KIF5A: variants seen among roughly 807,000 people sequenced by gnomAD.
KIF5A encodes kinesin heavy chain isoform 5A.
KIF5A carries 35 observed loss-of-function variants against 141.3 expected under a neutral mutation model. That is an observed-to-expected ratio of 0.25 (90% CI 0.19 to 0.33). The LOEUF is 0.33. Ranked by LOEUF, KIF5A falls within the 10% of genes least tolerant of loss-of-function variation. The pLI is 1.00. For synonymous variants in KIF5A, 448 were observed against 500.2 expected, an observed-to-expected ratio of 0.90 and a Z score of 1.39; for missense variants, 861 against 1,314.3, an observed-to-expected ratio of 0.66 and a Z score of 5.33.
chr12:57,582,073 T>TA, intron 26 of KIF5A, 121 bp downstream of exon 26: 1 of 817,976 alleles, frequency 1.2e-6, no homozygotes, highest in Admixed American at 2.1e-5. Context: ...TGCCAAGGCT[T>TA]CAAATAAAAA....
At chr12:57,551,225 T>C (rs115929726) in intron 1 of KIF5A, among the ~76,000 whole-genome samples, 151 of 152,338 alleles carry the variant, frequency 9.9e-4, no homozygotes, top group Middle Eastern at 3.4e-3. Context: ...TTAAGGGAAC[T>C]AATATTAACA....
At chr12:57,557,060 C>T (rs1200533582) in intron 1 of KIF5A, among the ~76,000 whole-genome samples, 2 of 152,120 alleles carry the variant, frequency 1.3e-5, no homozygotes, top group Non-Finnish European at 2.9e-5. Flanking sequence ...CCATACACAT[C>T]TCCTGAGATC....
chr12:57,553,307 TC>T (rs1881635327), intron 1 of KIF5A, among the ~76,000 whole-genome samples: 3 of 152,110 alleles, frequency 2.0e-5, no homozygotes, highest in Admixed American at 6.5e-5. Flanking sequence ...CACAGCTACC[TC>T]CCTCAGGTCT....
chr12:57,562,482 C>A (rs141094504), intron 1 of KIF5A, among the ~76,000 whole-genome samples: 124 of 152,364 alleles, frequency 8.1e-4, no homozygotes, highest in African/African-American at 2.9e-3. Context: ...TCCCAAAGTG[C>A]TGGGATTACA....
chr12:57,579,669 A>G (rs1882535596), intron 23 of KIF5A, among the ~76,000 whole-genome samples: 1 of 152,204 alleles, frequency 6.6e-6, no homozygotes, highest in South Asian at 2.1e-4. Flanking sequence ...AACATTTGAA[A>G]TCAATTCTGC....
chr12:57,565,400 G>A (rs763662219), intron 6 of KIF5A, among the ~76,000 whole-genome samples: 7 of 151,826 alleles, frequency 4.6e-5, no homozygotes, highest in Non-Finnish European at 7.4e-5. Flanking sequence ...CAGCCTGGGC[G>A]ACAGAGTGAG....
intron 28 of KIF5A, among the ~76,000 whole-genome samples, chr12:57,583,668 C>T (rs1052572764): frequency 6.6e-6 from 1 of 152,208 alleles, no homozygotes; most frequent in African/African-American, 2.4e-5. Context: ...ATGTTTGCTT[C>T]ACGCCTGCAC....
chr12:57,569,117 C>A, intron 9 of KIF5A, 50 bp downstream of exon 9: 1 of 1,555,796 alleles, frequency 6.4e-7, no homozygotes, highest in South Asian at 1.1e-5. Flanking sequence ...CCCATCTCCT[C>A]CCCCACCTGC....
At chr12:57,563,247 C>T (rs1279907772) in intron 1 of KIF5A, among the ~76,000 whole-genome samples, 192 bp from the exon 2 acceptor site, 8 of 151,996 alleles carry the variant, frequency 5.3e-5, no homozygotes, top group South Asian at 2.1e-4. Context: ...CCTCGTGATC[C>T]GCCTGCCTCA....
chr12:57,581,647 T>C, intron 25 of KIF5A, 79 bp downstream of exon 25: 2 of 1,516,450 alleles, frequency 1.3e-6, no homozygotes, highest in Non-Finnish European at 1.8e-6. Context: ...GGGCAGTTAT[T>C]GGTTGTGGCT....
intron 1 of KIF5A, among the ~76,000 whole-genome samples, chr12:57,551,742 T>G (rs1179282434): frequency 6.6e-6 from 1 of 152,146 alleles, no homozygotes; most frequent in African/African-American, 2.4e-5. Context: ...GCCTGGGCCT[T>G]CTGAGTCAGT....
intron 3 of KIF5A, 97 bp downstream of exon 3, chr12:57,563,790 G>C (rs773309917): frequency 7.1e-5 from 81 of 1,136,502 alleles, no homozygotes; most frequent in Non-Finnish European, 7.9e-5. Context: ...GGATTGCCTG[G>C]TCCAGAGGCA....
rs746195161 is a variant in KIF5A, at chr12:57,575,320, G to A, written c.1905+48G>A. 2.7e-5 allele frequency: 42 copies of A among 1,567,784 alleles called. No individual in the cohort carries two copies. The East Asian group carries it at 4.7e-4, about 18-fold the overall frequency. On this transcript the variant is annotated intron_variant, in intron 16 of 28. Transcript: ENST00000455537. Reference sequence around the variant, plus strand: ...CTTCAGATGCCATGGGAGAAAGAAGGCTACTCTGGGGTTATGGCTAAAACT... The same window carrying A: ...CTTCAGATGCCATGGGAGAAAGAAGACTACTCTGGGGTTATGGCTAAAACT...
rs773330335 is a variant in KIF5A, at chr12:57,576,337, C to T, written c.2157C>T (p.Asp719=). The T allele has an allele frequency of 9.9e-6, 16 of 1,613,824 alleles. No individual in the cohort carries two copies. The highest frequency in any genetic ancestry group is 4.0e-5 in the African/African-American group (3 of 74,884). The change falls in exon 19 of 29, where the codon GAC becomes GAT. Residue 719 remains aspartate (D), a synonymous_variant. Transcript: ENST00000455537. The part of the protein sequence containing the change: ...AHHRQLARLR[D]EINEKQKTID... ...ACCGGCAGCTGGCCCGGCTCCGGGA[C>T]GAGATCAACGAGAAGCAGAAGACCA...
At chr12:57,567,887 CTTT>C (rs538379606) in intron 8 of KIF5A, among the ~76,000 whole-genome samples, 1 of 141,014 alleles carries the variant, frequency 7.1e-6, no homozygotes, top group Non-Finnish European at 1.6e-5. Flanking sequence ...GTCCTTGGCT[CTTT>C]TTTTTTTTTT....
At chr12:57,580,051 T>C (rs1382045431) in intron 23 of KIF5A, among the ~76,000 whole-genome samples, 1 of 152,192 alleles carries the variant, frequency 6.6e-6, no homozygotes, top group Non-Finnish European at 1.5e-5. Flanking sequence ...TCAATTAAGC[T>C]AAAGTATTGT....
chr12:57,582,094 T>A, intron 26 of KIF5A, 142 bp downstream of exon 26: 1 of 725,654 alleles, frequency 1.4e-6, no homozygotes, highest in Non-Finnish European at 2.5e-6. Context: ...AAAAAATACA[T>A]ATAGCCAGGT....
intron 1 of KIF5A, among the ~76,000 whole-genome samples, chr12:57,552,071 T>C (rs980794969): frequency 1.3e-5 from 2 of 151,780 alleles, no homozygotes; most frequent in African/African-American, 4.8e-5. Context: ...CCTCTCAGAG[T>C]GTCCTGGATA....
At chr12:57,574,581 A>ATTT (rs11430710) in intron 15 of KIF5A, among the ~76,000 whole-genome samples, 2 of 100,768 alleles carry the variant, frequency 2.0e-5, no homozygotes, top group Admixed American at 1.1e-4. Context: ...CCAGAATTGG[A>ATTT]TTTTTTTTTT....
Sources: gnomAD v4.1 joint callset for allele counts (sites outside exome capture counted in the v4.1 genomes callset) on GRCh38, gnomAD v4.1.1 for gene constraint, MANE v1.5 for transcripts, NCBI Gene and HGNC (gene_info 2026-07-23, HGNC 2026-07-21) for gene names.